Variants in OXR1 observed in about 807,000 individuals in gnomAD.
OXR1 encodes the protein oxidation resistance 1, also known as oxidation resistance protein 1.
In OXR1, 41 loss-of-function variants were observed where a neutral mutation model predicts 104.6. The observed-to-expected ratio is 0.39, with a 90% CI of 0.31 to 0.51. The LOEUF (loss-of-function observed/expected upper bound fraction) is 0.51, where lower values mean the gene tolerates loss of function less well. Among genes scored for constraint, OXR1 ranks in the 20% least tolerant of loss-of-function variants. OXR1 has a pLI of 0.77. For missense variants in OXR1, 955 were observed against 1,031.9 expected (o/e 0.93, Z 1.02); for synonymous variants, 348 against 348.4 (o/e 1.00, Z 0.01).
At chr8:106,501,051 T>C (rs1367786989) in intron 2 of OXR1, among the ~76,000 whole-genome samples, 1 of 152,190 alleles carries the variant, frequency 6.6e-6, no homozygotes, top group Admixed American at 6.5e-5. Flanking sequence ...GAGACCAGCA[T>C]GACAAAAAGC....
chr8:106,510,239 CCATT>C (rs1812435917), intron 2 of OXR1, among the ~76,000 whole-genome samples: 1 of 152,108 alleles, frequency 6.6e-6, no homozygotes, highest in Admixed American at 6.5e-5. Flanking sequence ...TGTAATGAAA[CCATT>C]CATTCATTCA....
rs527277230 is a variant in OXR1 at position 106,322,067 on chromosome 8, C to G, written c.-138-37409C>G. ...TGCCTGAATTTTAGCTCTGCCATCT[C>G]CATCCCCAACAAGAGGGGCATTGCT... is the stretch of plus-strand genomic sequence containing the variant. On this transcript the variant is annotated intron_variant, in intron 1 of 16. Transcript: ENST00000517566. Among the ~76,000 whole-genome samples, 8 of 152,308 alleles carry G rather than the reference C, an allele frequency of 5.3e-5. No individual in the cohort carries two copies. In the East Asian group the frequency reaches 1.5e-3, roughly 29 times the overall value.
chr8:106,644,085 G>T lies in OXR1; in HGVS notation c.221-35125G>T, dbSNP rs142272718. ...TAAAGATATTTATTGAGAGAATAAG[G>T]CTGATAGGAAACCAAATTTTTAAAC... On this transcript the variant is annotated intron_variant, in intron 3 of 16. Coordinates refer to ENST00000517566, the MANE Select transcript of OXR1 (RefSeq NM_001198533.2). Among the ~76,000 whole-genome samples the T allele has an allele frequency of 1.9e-3, 292 of 152,260 alleles. 1 individual carries two copies. The highest frequency in any genetic ancestry group is 6.7e-3 in the African/African-American group (280 of 41,542).
At chr8:106,404,135 A>G (rs1305777137) in intron 2 of OXR1, among the ~76,000 whole-genome samples, 2 of 152,080 alleles carry the variant, frequency 1.3e-5, no homozygotes, top group African/African-American at 4.8e-5. Flanking sequence ...GGACAAATCA[A>G]TTCACCTGGG....
intron 11 of OXR1, among the ~76,000 whole-genome samples, chr8:106,721,690 A>C (rs908656344): frequency 6.6e-6 from 1 of 152,218 alleles, no homozygotes; most frequent in Admixed American, 6.5e-5. Flanking sequence ...TTAACTACTT[A>C]CTATATAAAC....
At chr8:106,699,875 T>C (rs1419584109) in intron 7 of OXR1, among the ~76,000 whole-genome samples, 2 of 152,204 alleles carry the variant, frequency 1.3e-5, no homozygotes, top group Non-Finnish European at 2.9e-5. Context: ...TGGAAACTTA[T>C]TAACAATAAC....
intron 2 of OXR1, among the ~76,000 whole-genome samples, chr8:106,387,746 C>T (rs1250473213): frequency 6.6e-6 from 1 of 152,164 alleles, no homozygotes; most frequent in Non-Finnish European, 1.5e-5. Flanking sequence ...ATAGACCAGT[C>T]ATACAAGTGC....
chr8:106,735,492 A>G (rs1834286292), intron 11 of OXR1, among the ~76,000 whole-genome samples: 1 of 152,118 alleles, frequency 6.6e-6, no homozygotes, highest in Admixed American at 6.5e-5. Flanking sequence ...TGTAAGCATA[A>G]TTTAATTTCA....
chr8:106,290,947 A>G (rs1056572208), intron 1 of OXR1, among the ~76,000 whole-genome samples: 1 of 152,164 alleles, frequency 6.6e-6, no homozygotes, highest in Non-Finnish European at 1.5e-5. Context: ...TGCTTGGTAT[A>G]TGGCCAAAAG....
intron 2 of OXR1, among the ~76,000 whole-genome samples, chr8:106,413,770 C>T (rs1818559284): frequency 6.7e-6 from 1 of 150,264 alleles, no homozygotes; most frequent in East Asian, 2.0e-4. Flanking sequence ...GTCACCCAGG[C>T]TGGAGTGCAG....
intron 1 of OXR1, among the ~76,000 whole-genome samples, chr8:106,331,385 A>G (rs1377792320): frequency 6.6e-6 from 1 of 152,212 alleles, no homozygotes; most frequent in Non-Finnish European, 1.5e-5. Context: ...GTTGCCATAG[A>G]TTAATTTGTC....
At chr8:106,557,644 C>G (rs1272565697) in intron 3 of OXR1, among the ~76,000 whole-genome samples, 1 of 151,918 alleles carries the variant, frequency 6.6e-6, no homozygotes, top group Non-Finnish European at 1.5e-5. Context: ...ATAGGATACT[C>G]TGGCAACAAA....
chr8:106,559,793 A>G (rs1955057), intron 3 of OXR1, among the ~76,000 whole-genome samples: 4,339 of 152,244 alleles, frequency 0.029, 103 homozygotes, highest in Non-Finnish European at 0.042. Flanking sequence ...GAACCTCATG[A>G]CCTAGTCAAC....
intron 3 of OXR1, among the ~76,000 whole-genome samples, chr8:106,666,429 G>C (rs929305135): frequency 2.0e-5 from 3 of 152,192 alleles, no homozygotes; most frequent in Non-Finnish European, 4.4e-5. Flanking sequence ...ATCTAATATG[G>C]TAGCAACTAG....
chr8:106,507,305 T>C (rs1812232691), intron 2 of OXR1, among the ~76,000 whole-genome samples: 1 of 152,136 alleles, frequency 6.6e-6, no homozygotes, highest in Non-Finnish European at 1.5e-5. Context: ...AGTACTGTTA[T>C]TAGATCCATT....
chr8:106,411,699 G>T (rs1178842127), intron 2 of OXR1, among the ~76,000 whole-genome samples: 2 of 152,140 alleles, frequency 1.3e-5, no homozygotes, highest in African/African-American at 2.4e-5. Context: ...TGATTTCTGT[G>T]CAAGATTTTG....
intron 9 of OXR1, among the ~76,000 whole-genome samples, chr8:106,707,856 A>G (rs1292526341): frequency 6.6e-6 from 1 of 152,180 alleles, no homozygotes; most frequent in African/African-American, 2.4e-5. Context: ...TAGTCCATTC[A>G]CATGTGAACT....
At chr8:106,456,179 G>A (rs1004476770) in intron 2 of OXR1, among the ~76,000 whole-genome samples, 10 of 152,164 alleles carry the variant, frequency 6.6e-5, no homozygotes, top group Non-Finnish European at 1.2e-4. Flanking sequence ...CACTCAGAGA[G>A]ATGTGAGTCA....
chr8:106,644,800 GAAGAACTAAAGT>G (rs1823939785), intron 3 of OXR1, among the ~76,000 whole-genome samples: 1 of 152,122 alleles, frequency 6.6e-6, no homozygotes, highest in South Asian at 2.1e-4. Context: ...AAACCATTTG[GAAGAACTAAAGT>G]AGCAGGCCGC....
Sources: allele counts gnomAD v4.1 joint callset (sites outside exome capture counted in the v4.1 genomes callset), GRCh38; gene constraint gnomAD v4.1.1; transcripts MANE v1.5; gene names NCBI Gene and HGNC (gene_info 2026-07-23, HGNC 2026-07-21).